BRINP2: variants seen among roughly 807,000 people sequenced by gnomAD.
BRINP2 encodes BMP/retinoic acid inducible neural specific 2, also known as BMP/retinoic acid-inducible neural-specific protein 2.
A neutral mutation model predicts 69.2 loss-of-function variants in BRINP2; 21 were observed. That is an observed-to-expected ratio of 0.30 (90% confidence interval 0.22 to 0.44). The LOEUF is 0.44. BRINP2 is among the 20% of genes least tolerant of loss of function. The pLI is 1.00. For missense variants in BRINP2, 877 were observed against 986.0 expected (o/e 0.89, Z 1.48); for synonymous variants, 380 against 394.1 (o/e 0.96, Z 0.42).
intron 1 of BRINP2, among the ~76,000 whole-genome samples, chr1:177,204,730 A>G (rs565836532): frequency 1.9e-4 from 29 of 152,328 alleles, no homozygotes; most frequent in African/African-American, 6.5e-4. Flanking sequence ...GAAATTTAGG[A>G]AAAACAGATT....
chr1:177,254,587 T>C (rs1650693516), intron 2 of BRINP2, among the ~76,000 whole-genome samples: 2 of 152,194 alleles, frequency 1.3e-5, no homozygotes, highest in Middle Eastern at 6.8e-3. Context: ...TGTGGTTGAG[T>C]TGCAAGCTGA....
chr1:177,260,570 T>C (rs1411336823), intron 4 of BRINP2, among the ~76,000 whole-genome samples: 4 of 152,130 alleles, frequency 2.6e-5, no homozygotes, highest in Admixed American at 2.6e-4. Context: ...CAAACTTCAT[T>C]GTTGTCTTAG....
rs555831538 is a variant in BRINP2, at chr1:177,262,711, G to A, written c.669+5327G>A. ...TGAGATAGTGCTGTTGTTTTCTTTTGATTGGCTTCTTCTTCTTGATTTCCT... is the reference window on the plus strand; with the variant it reads ...TGAGATAGTGCTGTTGTTTTCTTTTAATTGGCTTCTTCTTCTTGATTTCCT... On this transcript the variant is annotated intron_variant, in intron 4 of 7. Transcript: ENST00000361539. Among the ~76,000 whole-genome samples, 23 of 152,256 alleles carry A rather than the reference G, an allele frequency of 1.5e-4. 1 individual carries two copies. In the South Asian group the frequency reaches 4.8e-3, roughly 32 times the overall value.
intron 1 of BRINP2, among the ~76,000 whole-genome samples, chr1:177,225,035 T>C (rs1649657235): frequency 6.6e-6 from 1 of 152,190 alleles, no homozygotes; most frequent in Non-Finnish European, 1.5e-5. Context: ...GAGTGTGTCG[T>C]CTTTTGACAT....
At chr1:177,206,076 T>C (rs1159668328) in intron 1 of BRINP2, among the ~76,000 whole-genome samples, 1 of 152,202 alleles carries the variant, frequency 6.6e-6, no homozygotes, top group African/African-American at 2.4e-5. Flanking sequence ...TGAGAATACT[T>C]AAGCTGCCCT....
chr1:177,175,290 T>TC (rs1553267291), intron 1 of BRINP2, among the ~76,000 whole-genome samples: 2 of 149,244 alleles, frequency 1.3e-5, no homozygotes, highest in African/African-American at 4.9e-5. Flanking sequence ...AAAAGCGGGG[T>TC]GGGGGGGGCA....
intron 1 of BRINP2, among the ~76,000 whole-genome samples, chr1:177,216,591 G>C (rs1229815235): frequency 6.6e-6 from 1 of 151,984 alleles, no homozygotes; most frequent in African/African-American, 2.4e-5. Flanking sequence ...ATTAGGTTTT[G>C]TACTTTCATA....
At chr1:177,194,794 C>T (rs769836954) in intron 1 of BRINP2, among the ~76,000 whole-genome samples, 1 of 151,940 alleles carries the variant, frequency 6.6e-6, no homozygotes, top group Non-Finnish European at 1.5e-5. Context: ...TGTGTGTGCA[C>T]ATGAGTGTGA....
At chr1:177,276,963 G>C (rs951326883) in intron 6 of BRINP2, among the ~76,000 whole-genome samples, 1 of 149,766 alleles carries the variant, frequency 6.7e-6, no homozygotes, top group Admixed American at 6.6e-5. Context: ...TCAAGGTCTC[G>C]AGTTTCCTCA....
chr1:177,270,919 G>T (rs1281697544), intron 4 of BRINP2, among the ~76,000 whole-genome samples: 1 of 152,148 alleles, frequency 6.6e-6, no homozygotes, highest in Non-Finnish European at 1.5e-5. Flanking sequence ...TTGAAATGAG[G>T]CTGCCTCTGC....
intron 2 of BRINP2, among the ~76,000 whole-genome samples, chr1:177,230,481 G>C (rs1028039928): frequency 2.0e-5 from 3 of 152,184 alleles, no homozygotes; most frequent in Admixed American, 2.0e-4. Context: ...GGAGGTCAGA[G>C]TCAAATGCTG....
At chr1:177,207,306 A>G (rs79975643) in intron 1 of BRINP2, among the ~76,000 whole-genome samples, 2,561 of 152,308 alleles carry the variant, frequency 0.017, 33 homozygotes, top group Non-Finnish European at 0.023. Flanking sequence ...AGGTAGACAG[A>G]TAGAAGGCAA....
At chr1:177,223,051 C>T (rs1324843381) in intron 1 of BRINP2, among the ~76,000 whole-genome samples, 2 of 152,146 alleles carry the variant, frequency 1.3e-5, no homozygotes, top group African/African-American at 2.4e-5. Context: ...CTAGTGATCC[C>T]CCTGACTGGA....
chr1:177,183,557 A>T (rs1456186094), intron 1 of BRINP2, among the ~76,000 whole-genome samples: 1 of 152,218 alleles, frequency 6.6e-6, no homozygotes, highest in Non-Finnish European at 1.5e-5. Flanking sequence ...TAATGGAGTC[A>T]GATATTTGAT....
chr1:177,214,363 G>A (rs1012136258), intron 1 of BRINP2, among the ~76,000 whole-genome samples: 2 of 152,118 alleles, frequency 1.3e-5, no homozygotes, highest in South Asian at 2.1e-4. Flanking sequence ...AACCTGGGAG[G>A]CGGAGGTTGC....
At chr1:177,212,066 CAGATAGAT>C (rs61645500) in intron 1 of BRINP2, among the ~76,000 whole-genome samples, 27,820 of 148,966 alleles carry the variant, frequency 0.19, 2,882 homozygotes, top group Non-Finnish European at 0.24. Flanking sequence ...TCTATAGACA[CAGATAGAT>C]AGATAGATAG....
intron 4 of BRINP2, among the ~76,000 whole-genome samples, chr1:177,272,224 T>C (rs571536029): frequency 7.9e-5 from 12 of 152,362 alleles, no homozygotes; most frequent in African/African-American, 2.9e-4. Context: ...TGTTTAGAGC[T>C]GTGCTTCCTT....
chr1:177,264,066 T>C (rs748768388), intron 4 of BRINP2, among the ~76,000 whole-genome samples: 2 of 152,160 alleles, frequency 1.3e-5, no homozygotes, highest in Admixed American at 6.6e-5. Context: ...GACAGAACTC[T>C]GTGAAAGCCT....
intron 4 of BRINP2, among the ~76,000 whole-genome samples, chr1:177,271,959 G>A (rs936544526): frequency 6.6e-6 from 1 of 152,138 alleles, no homozygotes; most frequent in Admixed American, 6.5e-5. Context: ...TCTGCTCCAT[G>A]TGTATTTTTT....
Sources: allele counts gnomAD v4.1 joint callset (sites outside exome capture counted in the v4.1 genomes callset), GRCh38; gene constraint gnomAD v4.1.1; transcripts MANE v1.5; gene names NCBI Gene and HGNC (gene_info 2026-07-23, HGNC 2026-07-21).